Variants in KIF24 observed in about 807,000 individuals in gnomAD.
The protein encoded by KIF24 is kinesin-like protein KIF24.
A neutral mutation model predicts 118.9 loss-of-function variants in KIF24; 81 were observed. The ratio of observed to expected loss-of-function variants is 0.68; its 90% CI spans 0.57 to 0.82. KIF24 has a LOEUF of 0.82. KIF24 is among the 40% of genes least tolerant of loss of function. The probability of loss-of-function intolerance (pLI) is 0.00; values close to 1 mark genes in which losing one functional copy is unlikely to be tolerated. For synonymous variants in KIF24, 599 were observed against 610.0 expected, an observed-to-expected ratio of 0.98 and a Z score of 0.27; for missense variants, 1,560 against 1,661.6, an observed-to-expected ratio of 0.94 and a Z score of 1.06.
chr9:34,258,157 C>G (rs1299436134), intron 10 of KIF24, among the ~76,000 whole-genome samples, 176 bp from the exon 11 acceptor site: 1 of 152,110 alleles, frequency 6.6e-6, no homozygotes, highest in Non-Finnish European at 1.5e-5. Flanking sequence ...TGAGATATCC[C>G]TCTGTACCTG....
At chr9:34,285,602 G>A (rs186676990) in intron 6 of KIF24, among the ~76,000 whole-genome samples, 4 of 151,908 alleles carry the variant, frequency 2.6e-5, no homozygotes, top group East Asian at 1.9e-4. Context: ...GTGAAACCCC[G>A]TTTCTACTAA....
chr9:34,292,826 G>A (rs1237067946), intron 4 of KIF24, among the ~76,000 whole-genome samples: 3 of 152,136 alleles, frequency 2.0e-5, no homozygotes, highest in African/African-American at 7.2e-5. Context: ...ACACACTAAG[G>A]AAGATCCAGC....
At chr9:34,289,205 G>A (rs1437442136) in intron 5 of KIF24, among the ~76,000 whole-genome samples, 8 of 152,220 alleles carry the variant, frequency 5.3e-5, no homozygotes, top group Non-Finnish European at 1.0e-4. Flanking sequence ...AAGCCCACTC[G>A]CTGGCTTCTC....
chr9:34,296,482 A>G (rs1836484024), intron 4 of KIF24, among the ~76,000 whole-genome samples: 2 of 149,396 alleles, frequency 1.3e-5, no homozygotes, highest in African/African-American at 2.5e-5. Flanking sequence ...GCTTGCAGTG[A>G]GCTGAGATCA....
chr9:34,299,117 A>G (rs893088149), intron 3 of KIF24, among the ~76,000 whole-genome samples: 7 of 151,900 alleles, frequency 4.6e-5, no homozygotes, highest in African/African-American at 1.7e-4. Flanking sequence ...AAAAATATAC[A>G]TACATATATA....
At chr9:34,271,738 T>G in intron 7 of KIF24, 71 bp downstream of exon 7, 12 of 1,547,794 alleles carry the variant, frequency 7.8e-6, no homozygotes, top group African/African-American at 1.4e-5. Context: ...ATCCTGTTGT[T>G]GAGAAAACAT....
At chr9:34,279,021 T>C (rs1195342821) in intron 6 of KIF24, among the ~76,000 whole-genome samples, 1 of 152,100 alleles carries the variant, frequency 6.6e-6, no homozygotes, top group Non-Finnish European at 1.5e-5. Flanking sequence ...GGAGGATCGC[T>C]TGAGCCCAGA....
chr9:34,254,512 T>G lies in KIF24; in HGVS notation c.3975A>C (p.Glu1325Asp). Residue 1325 changes from glutamate (E) to aspartate (D), a missense_variant, in exon 13 of 13, where the codon GAA becomes GAC. Coordinates refer to ENST00000402558, the MANE Select transcript of KIF24 (RefSeq NM_194313.4). ...LMSQLASNDFEDFVTQLDEIM... is the reference protein window; with the variant it reads ...LMSQLASNDFDDFVTQLDEIM... ...TTTCATCCAGCTGGGTCACAAAATC[T>G]TCAAAATCCTGAGAAGGAAACAAGG... The G allele has an allele frequency of 1.2e-6, 2 of 1,613,564 alleles. No homozygotes were observed. The highest frequency in any genetic ancestry group is 1.7e-6 in the Non-Finnish European group (2 of 1,179,768).
intron 1 of KIF24, among the ~76,000 whole-genome samples, chr9:34,315,024 G>A (rs1489811656): frequency 6.6e-6 from 1 of 152,170 alleles, no homozygotes; most frequent in African/African-American, 2.4e-5. Context: ...TTGAGGAGGT[G>A]AGGGGAAGTA....
intron 6 of KIF24, among the ~76,000 whole-genome samples, chr9:34,283,423 T>C (rs1835927899): frequency 6.6e-6 from 1 of 151,978 alleles, no homozygotes; most frequent in Admixed American, 6.6e-5. Flanking sequence ...AAATTATATC[T>C]CAATAAGAAA....
At chr9:34,258,192 G>T (rs778676094) in intron 10 of KIF24, among the ~76,000 whole-genome samples, 2 of 152,190 alleles carry the variant, frequency 1.3e-5, no homozygotes, top group Non-Finnish European at 1.5e-5. Flanking sequence ...GTGTTGGCTG[G>T]TTGTAGTGGC....
intron 9 of KIF24, among the ~76,000 whole-genome samples, chr9:34,262,675 A>AATATATATATATATATATATAT (rs1428160924): frequency 1.1e-4 from 3 of 27,066 alleles, no homozygotes; most frequent in Admixed American, 7.0e-4. Context: ...AAAAAAAAAA[A>AATATATATATATATATATATAT]ATATATATAT....
chr9:34,313,396 T>C (rs1369098132), intron 1 of KIF24, among the ~76,000 whole-genome samples: 1 of 152,220 alleles, frequency 6.6e-6, no homozygotes, highest in Non-Finnish European at 1.5e-5. Flanking sequence ...CCACTAAGTT[T>C]TGAGGGTAAT....
Position 34,318,592 on chromosome 9 carries a change from G to T in KIF24, c.-25-7221C>A. 6 of 1,387,554 alleles carry T rather than the reference G, an allele frequency of 4.3e-6. No individual in the cohort carries two copies. The highest frequency in any genetic ancestry group is 3.5e-5 in the Admixed American group (2 of 56,772). 86.0% of individuals were successfully genotyped at this position (1,387,554 alleles called of 1,614,324 possible). ...ACCAGGCCATGGCCAAGGACCAGGC[G>T]GTGGAGAACATCCTGGTGTCGCCCG... On this transcript the variant is annotated intron_variant, in intron 1 of 12. Coordinates refer to ENST00000402558, the MANE Select transcript of KIF24 (RefSeq NM_194313.4). This position sits in a 1 kb window ranked among gnomAD's most constrained non-coding sequence, Gnocchi z 4.9.
chr9:34,290,286 C>G lies in KIF24; in HGVS notation c.1015G>C (p.Asp339His), dbSNP rs771948184. The part of the protein sequence containing the change: ...NPGLYALAAK[D>H]IFRQLEVSQP... The stretch of plus-strand genomic sequence containing the variant: ...GACACTTCTAGTTGCCTGAAGATAT[C>G]TTTGGCAGCTAGAGCATACAATCCT... The change falls in exon 5 of 13, where the codon GAT (aspartate) becomes CAT (histidine). Residue 339 changes from aspartate to histidine, a missense_variant. Asp to His is a moderately conservative substitution (Grantham distance 81). Coordinates refer to ENST00000402558, the MANE Select transcript of KIF24 (RefSeq NM_194313.4). 368 of 1,613,484 alleles carry G rather than the reference C, an allele frequency of 2.3e-4. No homozygotes were observed. The highest frequency in any genetic ancestry group is 3.0e-4 in the Non-Finnish European group (358 of 1,179,546).
chr9:34,311,809 CAT>C (rs1182509477), intron 1 of KIF24, among the ~76,000 whole-genome samples: 5 of 144,760 alleles, frequency 3.5e-5, no homozygotes, highest in African/African-American at 1.3e-4. Flanking sequence ...TATATATACA[CAT>C]AGATACACAA....
At chr9:34,317,878 A>G (rs1837379204) in intron 1 of KIF24, among the ~76,000 whole-genome samples, 1 of 152,224 alleles carries the variant, frequency 6.6e-6, no homozygotes, top group Admixed American at 6.5e-5. Flanking sequence ...GAAAATGCAT[A>G]ACCTATAATA....
In KIF24 at chr9:34,294,131, T is replaced by C. The variant is rs1252900265; in HGVS notation, c.911+2886A>G. 1.3e-5 allele frequency among the ~76,000 whole-genome samples: 2 copies of C among 152,198 alleles called. 1 individual carries two copies. The highest frequency in any genetic ancestry group is 4.1e-4 in the South Asian group (2 of 4,826). ...ACCAAACCCAGCTAATTAAAAAAAT[T>C]TTTTTTAGAGATAGGGTCTCACTAT... On this transcript the variant is annotated intron_variant, in intron 4 of 12. Coordinates refer to ENST00000402558, the MANE Select transcript of KIF24 (RefSeq NM_194313.4).
At chr9:34,307,524 A>AT (rs749275923) in intron 2 of KIF24, among the ~76,000 whole-genome samples, 10 of 152,176 alleles carry the variant, frequency 6.6e-5, no homozygotes, top group Non-Finnish European at 1.2e-4. Context: ...AAAATGCATC[A>AT]TTTTTGCATG....
Sources: allele counts gnomAD v4.1 joint callset (sites outside exome capture counted in the v4.1 genomes callset), GRCh38; gene constraint gnomAD v4.1.1; non-coding constraint Gnocchi (gnomAD v3.1); transcripts MANE v1.5; gene names NCBI Gene and HGNC (gene_info 2026-07-23, HGNC 2026-07-21).